Variants in GPI observed in about 807,000 individuals in gnomAD.
The protein encoded by GPI is D-hexose-6-phosphate anomerase.
In GPI, 56 loss-of-function variants were observed where a neutral mutation model predicts 75.8. The ratio of observed to expected loss-of-function variants is 0.74; its 90% CI spans 0.60 to 0.92. GPI has a LOEUF of 0.92. GPI is among the 40% of genes least tolerant of loss of function. The pLI, the probability that GPI is intolerant of heterozygous loss-of-function variation, is 0.00. For missense variants in GPI, 638 were observed against 741.0 expected (o/e 0.86, Z 1.61); for synonymous variants, 288 against 285.4 (o/e 1.01, Z -0.09).
intron 13 of GPI, 64 bp downstream of exon 13, chr19:34,396,494 T>A: frequency 3.1e-6 from 5 of 1,612,778 alleles, no homozygotes; most frequent in South Asian, 1.1e-5. Context: ...AGAAGAGATA[T>A]CTCACTTAGG....
intron 4 of GPI, among the ~76,000 whole-genome samples, chr19:34,375,051 T>C (rs532645326): frequency 2.6e-5 from 4 of 152,264 alleles, no homozygotes; most frequent in African/African-American, 9.6e-5. Flanking sequence ...GTTTTTATTA[T>C]GACCACACTG....
At position 34,385,222 on chromosome 19, in the gene GPI, G is replaced by A. The variant is rs186872926; in HGVS notation, c.804+3703G>A. On this transcript the variant is annotated intron_variant, in intron 9 of 17. Coordinates refer to ENST00000356487, the MANE Select transcript of GPI (RefSeq NM_000175.5). ...AAATTAGCTGGGTGTGGTGGCACAC[G>A]CCTGTAATCCCAGCTACTCAGGAGG... Among the ~76,000 whole-genome samples, 850 of 152,160 alleles carry A rather than the reference G, an allele frequency of 5.6e-3. 5 individuals are homozygous for A. The highest frequency in any genetic ancestry group is 0.019 in the African/African-American group (799 of 41,530).
Position 34,381,523 on chromosome 19 carries a change from A to C in GPI, c.804+4A>C. On this transcript the variant is annotated splice_donor_region_variant and intron_variant, in intron 9 of 17. Coordinates refer to ENST00000356487, the MANE Select transcript of GPI (RefSeq NM_000175.5). Reference sequence around the variant, plus strand: ...AAACATGTTCGAGTTCTGGGATGTAAGTACAAGCACTTCTGCACTGGGTGA... The same window carrying C: ...AAACATGTTCGAGTTCTGGGATGTACGTACAAGCACTTCTGCACTGGGTGA... The C allele has an allele frequency of 6.3e-7, 1 of 1,594,070 alleles. No homozygotes were observed.
upstream of GPI, chr19:34,363,273 T>G (rs1379198198): frequency 6.6e-6 from 1 of 151,194 alleles, no homozygotes; most frequent in Non-Finnish European, 1.5e-5. Flanking sequence ...GTCACTGCAC[T>G]CCAACCTGGG....
chr19:34,364,224 T>C (rs2074321547), upstream of GPI, among the ~76,000 whole-genome samples: 1 of 151,882 alleles, frequency 6.6e-6, no homozygotes, highest in South Asian at 2.1e-4. Flanking sequence ...AAGCAGTGTT[T>C]TGCTGTCTTG....
At chr19:34,363,088 T>C (rs1156791318), upstream of GPI, among the ~76,000 whole-genome samples, 1 of 152,110 alleles carries the variant, frequency 6.6e-6, no homozygotes, top group African/African-American at 2.4e-5. Context: ...GATTCGAGAC[T>C]AGCCTGAGCA....
upstream of GPI, among the ~76,000 whole-genome samples, chr19:34,360,184 C>T (rs922212459): frequency 1.1e-4 from 16 of 152,138 alleles, no homozygotes; most frequent in Non-Finnish European, 2.1e-4. Context: ...TGACCCCTCC[C>T]AGCTTCACTA....
intron 9 of GPI, among the ~76,000 whole-genome samples, chr19:34,386,382 G>T (rs531049244): frequency 1.3e-5 from 2 of 151,834 alleles, no homozygotes; most frequent in Admixed American, 1.3e-4. Flanking sequence ...AGAACCCAGG[G>T]TCAAGCACAG....
intron 1 of GPI, chr19:34,366,042 G>C (rs1302513391): frequency 1.6e-6 from 1 of 617,786 alleles, no homozygotes; most frequent in Non-Finnish European, 3.0e-6. Flanking sequence ...ATGGGTGCCT[G>C]AGTAACTTAC....
chr19:34,393,298 C>T lies in GPI; in HGVS notation c.855C>T (p.Ala285=), dbSNP rs759771944. 3 of 1,611,950 alleles carry T rather than the reference C, an allele frequency of 1.9e-6. No homozygotes were observed. The highest frequency in any genetic ancestry group is 2.5e-6 in the Non-Finnish European group (3 of 1,178,032). The change falls in exon 10 of 18, where the codon GCC becomes GCT. Residue 285 remains alanine (A), a synonymous_variant. Coordinates refer to ENST00000356487, the MANE Select transcript of GPI (RefSeq NM_000175.5). The surrounding 1 kb of genome is among the most constrained non-coding windows in gnomAD (Gnocchi z 4.4). The part of the protein sequence containing the change: ...SLWSAIGLSI[A]LHVGFDNFEQ... ...GGTCGGCCATCGGACTCTCCATTGC[C>T]CTGCACGTGGGTGAGTGTGTTTCTG...
In GPI at chr19:34,400,411, G is replaced by C. The variant is rs2075005900; in HGVS notation, c.*375G>C. The C allele has an allele frequency of 6.7e-6, 4 of 593,692 alleles. No individual in the cohort carries two copies. The highest frequency in any genetic ancestry group is 1.2e-5 in the Non-Finnish European group (4 of 335,314). The allele number at this position is 593,692 out of a possible 1,614,324, so 36.8% of individuals were successfully genotyped here. ...GGGCAGGAGCGCTCAGCAGGACGCA[G>C]GCTGTGCCTCTGCGGACACTTAACA... On this transcript the variant is annotated 3_prime_UTR_variant, in exon 18 of 18. Transcript: ENST00000356487.
In GPI at chr19:34,379,985, G is replaced by GTTTTTTTTTTTTTTTTTTTTTTTTT. The variant is rs1356302354; in HGVS notation, c.750+427_750+428insTTTTTTTTTTTTTTTTTTTTTTTTT. ...TTTTGCCCCCTACTTAGTGTGTGTG[G>GTTTTTTTTTTTTTTTTTTTTTTTTT]TTTTGTTTTTTTTTTTTTTTTTTTT... is the stretch of plus-strand genomic sequence containing the variant. On this transcript the variant is annotated intron_variant, in intron 8 of 17. Transcript: ENST00000356487. 6.3e-5 allele frequency: 8 copies of GTTTTTTTTTTTTTTTTTTTTTTTTT among 127,574 alleles called. 3 individuals carry two copies. Among genetic ancestry groups the GTTTTTTTTTTTTTTTTTTTTTTTTT allele is most frequent in the African/African-American group, 2.0e-4 (5 of 25,198 alleles). The allele number at this position is 127,574 out of a possible 1,614,324, so 7.9% of individuals were successfully genotyped here. A position where few individuals can be genotyped will look rare whatever the true frequency, so the allele number is the denominator to read the frequency against.
At chr19:34,399,398 C>G in intron 15 of GPI, 63 bp downstream of exon 15, 6 of 1,608,864 alleles carry the variant, frequency 3.7e-6, no homozygotes, top group Non-Finnish European at 5.1e-6. Flanking sequence ...AGCTATGGCA[C>G]CAGGCAGGGG....
At chr19:34,377,908 C>T (rs941250529) in intron 6 of GPI, 27 bp downstream of exon 6, 1 of 1,613,572 alleles carries the variant, frequency 6.2e-7, no homozygotes, top group African/African-American at 1.3e-5. Flanking sequence ...CTGCCCGGCC[C>T]CTGGCCCTGT....
chr19:34,366,659 G>C, intron 2 of GPI, 124 bp from the exon 3 acceptor site: 1 of 790,220 alleles, frequency 1.3e-6, no homozygotes, highest in Non-Finnish European at 2.3e-6. Context: ...GACAGCAGGG[G>C]AGGGAACCAG....
intron 9 of GPI, among the ~76,000 whole-genome samples, chr19:34,386,475 C>G (rs1302229658): frequency 1.3e-5 from 2 of 152,130 alleles, no homozygotes; most frequent in African/African-American, 4.8e-5. Context: ...GGAGTAGTCT[C>G]TTGAAGGAGA....
Position 34,377,512 on chromosome 19 carries a change from A to C in GPI, c.412A>C (p.Ser138Arg). 6.2e-7 allele frequency: 1 copy of C among 1,611,860 alleles called. No individual in the cohort carries two copies. Among genetic ancestry groups the C allele is most frequent in the Non-Finnish European group, 8.5e-7 (1 of 1,178,692 alleles). The change falls in exon 5 of 18, where the codon AGC (serine) becomes CGC (arginine). Residue 138 changes from serine to arginine, a missense_variant. By Grantham distance (110) the Ser-to-Arg change is moderately radical. Coordinates refer to ENST00000356487, the MANE Select transcript of GPI (RefSeq NM_000175.5). ...TTCGCCCCTGTGCCAGCGTGTCCGG[A>C]GCGGTGACTGGAAGGGGTACACAGG... ...KMKSFCQRVRSGDWKGYTGKT... is the reference protein window; with the variant it reads ...KMKSFCQRVRRGDWKGYTGKT...
chr19:34,386,943 C>T (rs141522652), intron 9 of GPI, among the ~76,000 whole-genome samples: 1 of 152,300 alleles, frequency 6.6e-6, no homozygotes, highest in East Asian at 1.9e-4. Flanking sequence ...TCAGTGAGCT[C>T]ATTGGTGCTG....
intron 8 of GPI, chr19:34,379,777 TG>T: frequency 1.5e-6 from 1 of 660,426 alleles, no homozygotes; most frequent in East Asian, 2.7e-5. Context: ...TTGGAGTCAG[TG>T]GGATCACGAT....
Sources: gnomAD v4.1 joint callset for allele counts (sites outside exome capture counted in the v4.1 genomes callset) on GRCh38, gnomAD v4.1.1 for gene constraint, Gnocchi (gnomAD v3.1) non-coding constraint, MANE v1.5 for transcripts, NCBI Gene and HGNC (gene_info 2026-07-23, HGNC 2026-07-21) for gene names.